TXNRD2: variants seen among roughly 807,000 people sequenced by gnomAD.
TXNRD2 encodes thioredoxin reductase 2, mitochondrial.
In TXNRD2, 67 loss-of-function variants were observed where a neutral mutation model predicts 70.8. The observed-to-expected ratio is 0.95, with a 90% CI of 0.78 to 1.16. TXNRD2 has a LOEUF of 1.16. TXNRD2 is among the 50% of genes most tolerant of loss of function. TXNRD2 has a pLI of 0.00. For missense variants in TXNRD2, 644 were observed against 719.9 expected (o/e 0.89, Z 1.21); for synonymous variants, 301 against 295.8 (o/e 1.02, Z -0.18).
chr22:19,895,302 C>T, intron 11 of TXNRD2, 105 bp downstream of exon 11: 1 of 1,597,514 alleles, frequency 6.3e-7, no homozygotes, highest in Non-Finnish European at 8.5e-7. Context: ...CGCCTGGCAG[C>T]CAGCAGGATG....
chr22:19,878,371 C>A lies in TXNRD2; in HGVS notation c.1342G>T (p.Val448Leu), dbSNP rs953805989. Residue 448 changes from valine (V) to leucine (L), a missense_variant, in exon 15 of 18, where the codon GTA (valine) becomes TTA (leucine). Transcript: ENST00000400521. ...TGGGCCACAGGGATGCTCACCTTTA[C>A]ATAACACTGGGATGCATCTCGTCCA... ...VAGRDASQCY[V>L]KMVCLREPPQ... The A allele has an allele frequency of 1.9e-6, 3 of 1,613,848 alleles. No individual in the cohort carries two copies. The Admixed American group carries it at 5.0e-5, about 27-fold the overall frequency.
Position 19,878,949 on chromosome 22 carries a change from G to T in TXNRD2, c.1276-512C>A, listed in dbSNP as rs140839297. 4.2e-4 allele frequency among the ~76,000 whole-genome samples: 64 copies of T among 152,322 alleles called. No individual in the cohort carries two copies. In the East Asian group the frequency reaches 0.012, roughly 29 times the overall value. On this transcript the variant is annotated intron_variant, in intron 14 of 17. Transcript: ENST00000400521. ...TGAAGGGCTCGACAGCGTGTCCGGG[G>T]CTGCGGCCAAGTAAAAAATGAGTGG...
At chr22:19,923,440 C>T (rs776241941) in intron 2 of TXNRD2, among the ~76,000 whole-genome samples, 9 of 152,158 alleles carry the variant, frequency 5.9e-5, no homozygotes, top group Non-Finnish European at 1.0e-4. Context: ...CCTGTCCTGG[C>T]TCTGGGCTGT....
In TXNRD2 at chr22:19,878,197, G is replaced by A. The variant is rs758878828; in HGVS notation, c.1348-10C>T. On this transcript the variant is annotated splice_polypyrimidine_tract_variant and intron_variant, in intron 15 of 17. Transcript: ENST00000400521. ...CCCTCAGGCACACCATCTGAAAGCC[G>A]CACATCTCAGCCACCAGCCCAGGAG... is the stretch of plus-strand genomic sequence containing the variant. 9.3e-6 allele frequency: 15 copies of A among 1,612,156 alleles called. No individual in the cohort carries two copies. The highest frequency in any genetic ancestry group is 6.7e-5 in the Admixed American group (4 of 60,008).
intron 10 of TXNRD2, 39 bp downstream of exon 10, chr22:19,898,000 C>T (rs751446126): frequency 6.5e-7 from 1 of 1,527,968 alleles, no homozygotes; most frequent in Non-Finnish European, 8.8e-7. Context: ...AGGAAGGCCT[C>T]AGAGCCACAG....
intron 11 of TXNRD2, 63 bp from the exon 12 acceptor site, chr22:19,883,524 G>A: frequency 2.5e-6 from 4 of 1,608,690 alleles, no homozygotes; most frequent in Non-Finnish European, 3.4e-6. Flanking sequence ...GAGCGGTTGT[G>A]TTTAAACTGT....
chr22:19,921,408 C>T (rs1261332433), intron 2 of TXNRD2, among the ~76,000 whole-genome samples: 7 of 131,888 alleles, frequency 5.3e-5, no homozygotes, highest in African/African-American at 8.8e-5. Flanking sequence ...GAGCAAGACC[C>T]TGTCTCAAAA....
rs892503109 is a variant in TXNRD2 at position 19,877,356 on chromosome 22, C to T, written c.1446-122G>A. 63 of 862,750 alleles carry T rather than the reference C, an allele frequency of 7.3e-5. No homozygotes were observed. In the African/African-American group the frequency reaches 9.8e-4, roughly 13 times the overall value. The allele number at this position is 862,750 out of a possible 1,614,324, so 53.4% of individuals were successfully genotyped here. On this transcript the variant is annotated intron_variant, in intron 16 of 17. Transcript: ENST00000400521. ...GGTCTCCTCACTGTCCCCTGACCCC[C>T]AGCCAGCAGCCAGGACCCCTGCCCA... is the stretch of plus-strand genomic sequence containing the variant.
At chr22:19,929,824 G>A (rs1424821237) in intron 2 of TXNRD2, among the ~76,000 whole-genome samples, 10 of 151,948 alleles carry the variant, frequency 6.6e-5, no homozygotes, top group Non-Finnish European at 1.5e-5. Flanking sequence ...ACATAAGAAT[G>A]ATCAGGTTGC....
chr22:19,911,518 T>G, intron 7 of TXNRD2, 71 bp from the exon 8 acceptor site: 1 of 1,174,056 alleles, frequency 8.5e-7, no homozygotes. Flanking sequence ...TTAAAGAGGA[T>G]GCCAGCTTTG....
Position 19,901,125 on chromosome 22 carries a change from CA to C in TXNRD2, c.663-2058del, listed in dbSNP as rs1939758247. Among the ~76,000 whole-genome samples, 5 of 152,348 alleles carry C rather than the reference CA, an allele frequency of 3.3e-5. No homozygotes were observed. The South Asian group carries it at 1.0e-3, about 32-fold the overall frequency. ...GCAACACACCCTCCTGATTTTGCCA[CA>C]AATGTTTGCTGTCTCTGCCACCGAC... On this transcript the variant is annotated intron_variant, in intron 8 of 17. Transcript: ENST00000400521.
intron 2 of TXNRD2, among the ~76,000 whole-genome samples, chr22:19,920,597 G>C (rs916053128): frequency 1.5e-5 from 2 of 134,930 alleles, no homozygotes; most frequent in Non-Finnish European, 3.3e-5. Flanking sequence ...AAGAAAGAAA[G>C]AAAAAAAAAA....
chr22:19,877,299 C>T (rs1938554519), intron 16 of TXNRD2, 65 bp from the exon 17 acceptor site: 9 of 1,465,664 alleles, frequency 6.1e-6, no homozygotes, highest in Non-Finnish European at 8.5e-6. Flanking sequence ...CAGCATCCCA[C>T]CCCCGGGAAG....
chr22:19,875,617 T>A lies in TXNRD2; in HGVS notation c.*256A>T, dbSNP rs1938470876. The A allele has an allele frequency of 6.9e-6, 1 of 144,836 alleles. No homozygotes were observed. The allele number at this position is 144,836 out of a possible 1,614,324, so 9.0% of individuals were successfully genotyped here. Reference sequence around the variant, plus strand: ...TAGGTTTCCACCCAGGTCGTCATCATCTGGCACCAGGAGCCTGGGGGGGGG... The same window carrying A: ...TAGGTTTCCACCCAGGTCGTCATCAACTGGCACCAGGAGCCTGGGGGGGGG... On this transcript the variant is annotated 3_prime_UTR_variant, in exon 18 of 18. Coordinates refer to ENST00000400521, the MANE Select transcript of TXNRD2 (RefSeq NM_006440.5).
intron 12 of TXNRD2, 78 bp from the exon 13 acceptor site, chr22:19,880,795 C>CT: frequency 9.8e-7 from 1 of 1,017,934 alleles, no homozygotes; most frequent in Non-Finnish European, 1.5e-6. Flanking sequence ...ACCCTTTGCC[C>CT]TCCGAGTGGG....
intron 8 of TXNRD2, among the ~76,000 whole-genome samples, chr22:19,909,947 ACACACACACCACTCACACACACAC>A (rs1473682952): frequency 8.1e-6 from 1 of 123,704 alleles, no homozygotes; most frequent in Non-Finnish European, 1.7e-5. Flanking sequence ...CACACACCAC[ACACACACACCACTCACACACACAC>A]CACACACACC....
chr22:19,919,039 T>C (rs1183108659), intron 3 of TXNRD2, 35 bp from the exon 4 acceptor site: 3 of 1,598,110 alleles, frequency 1.9e-6, no homozygotes, highest in East Asian at 4.5e-5. Context: ...GAATTTATGT[T>C]CAGGTGACTG....
At chr22:19,900,896 T>A (rs1743677538) in intron 8 of TXNRD2, among the ~76,000 whole-genome samples, 1 of 152,276 alleles carries the variant, frequency 6.6e-6, no homozygotes, top group Admixed American at 6.5e-5. Context: ...CAGAGGTGGC[T>A]GTGCATGGGC....
intron 1 of TXNRD2, chr22:19,933,442 G>A: frequency 3.9e-6 from 5 of 1,289,660 alleles, no homozygotes; most frequent in Non-Finnish European, 5.1e-6. Context: ...ACCTTCCATG[G>A]CAGGTGCCTG....
Sources: allele counts gnomAD v4.1 joint callset (sites outside exome capture counted in the v4.1 genomes callset), GRCh38; gene constraint gnomAD v4.1.1; transcripts MANE v1.5; gene names NCBI Gene and HGNC (gene_info 2026-07-23, HGNC 2026-07-21).